Variants in EXOC4 observed in about 807,000 individuals in gnomAD.
EXOC4 encodes SEC8-like 1.
In EXOC4, 71 loss-of-function variants were observed where a neutral mutation model predicts 107.2. The observed-to-expected ratio is 0.66, with a 90% CI of 0.55 to 0.81. The LOEUF is 0.81. Ranked by LOEUF, EXOC4 falls within the 30% of genes least tolerant of loss-of-function variation. EXOC4 has a pLI of 0.00. For missense variants in EXOC4, 1,108 were observed against 1,189.6 expected (o/e 0.93, Z 1.01); for synonymous variants, 456 against 441.2 (o/e 1.03, Z -0.42).
At chr7:133,616,792 G>A (rs1211423225) in intron 9 of EXOC4, among the ~76,000 whole-genome samples, 2 of 152,002 alleles carry the variant, frequency 1.3e-5, no homozygotes, top group African/African-American at 2.4e-5. Flanking sequence ...AATTATCATC[G>A]ATATCAACGA....
chr7:133,458,072 A>C (rs1421130361), intron 7 of EXOC4, among the ~76,000 whole-genome samples: 1 of 152,230 alleles, frequency 6.6e-6, no homozygotes, highest in Non-Finnish European at 1.5e-5. Context: ...CCTAAAGAAA[A>C]GTTATTTTTA....
intron 9 of EXOC4, among the ~76,000 whole-genome samples, chr7:133,597,878 G>C (rs1801718274): frequency 6.6e-6 from 1 of 151,980 alleles, no homozygotes; most frequent in Admixed American, 6.6e-5. Flanking sequence ...CAGGCATGTT[G>C]GCGGCGGGCA....
intron 9 of EXOC4, among the ~76,000 whole-genome samples, chr7:133,535,077 C>T (rs1048557719): frequency 3.3e-5 from 5 of 152,230 alleles, no homozygotes; most frequent in Admixed American, 1.3e-4. Flanking sequence ...GTGGAAGAAC[C>T]GTATTTTATT....
chr7:134,015,195 C>T (rs1794873670), intron 17 of EXOC4, among the ~76,000 whole-genome samples: 1 of 152,196 alleles, frequency 6.6e-6, no homozygotes, highest in Non-Finnish European at 1.5e-5. Context: ...ACTTTCAAAA[C>T]ATGCCTTCCT....
intron 11 of EXOC4, among the ~76,000 whole-genome samples, chr7:133,826,861 A>G (rs908664239): frequency 1.3e-5 from 2 of 152,136 alleles, no homozygotes; most frequent in Non-Finnish European, 2.9e-5. Context: ...TGTCCAGTGA[A>G]CACCCACATA....
At chr7:133,288,852 A>G (rs1794339525) in intron 2 of EXOC4, 70 bp from the exon 3 acceptor site, 5 of 1,323,528 alleles carry the variant, frequency 3.8e-6, no homozygotes, top group South Asian at 2.6e-5. Flanking sequence ...AGTGAAGACT[A>G]CTAACCAGAT....
At chr7:133,430,241 T>G (rs900102566) in intron 7 of EXOC4, among the ~76,000 whole-genome samples, 31 of 152,344 alleles carry the variant, frequency 2.0e-4, no homozygotes, top group Admixed American at 8.5e-4. Context: ...GCTTCTTCTC[T>G]TTTCTCCTTC....
intron 7 of EXOC4, among the ~76,000 whole-genome samples, chr7:133,440,352 A>C: frequency 3.5e-5 from 5 of 144,360 alleles, no homozygotes; most frequent in African/African-American, 1.0e-4. Context: ...CTTTATCTCC[A>C]CCCCCACCCC....
At chr7:134,084,523 T>TC in the EXOC4 span, among the ~76,000 whole-genome samples, 1 of 152,088 alleles carries the variant, frequency 6.6e-6, no homozygotes, top group East Asian at 1.9e-4. Context: ...TGGAAGATCC[T>TC]CTCATCTCAG....
intron 7 of EXOC4, among the ~76,000 whole-genome samples, chr7:133,449,622 G>A (rs775386975): frequency 5.3e-5 from 8 of 151,800 alleles, no homozygotes; most frequent in Non-Finnish European, 1.0e-4. Context: ...TATTCTATCT[G>A]TATCTAGATA....
intron 6 of EXOC4, among the ~76,000 whole-genome samples, chr7:133,368,271 C>A (rs538315221): frequency 6.6e-6 from 1 of 152,152 alleles, no homozygotes; most frequent in Non-Finnish European, 1.5e-5. Context: ...TTGGTTCTTA[C>A]TCTGTGGATT....
At chr7:133,845,335 AGT>A (rs34845137) in intron 11 of EXOC4, among the ~76,000 whole-genome samples, 7,004 of 137,800 alleles carry the variant, frequency 0.051, 361 homozygotes, top group African/African-American at 0.14. Flanking sequence ...GCAGGTTAGT[AGT>A]GTGTGTGTGT....
intron 9 of EXOC4, among the ~76,000 whole-genome samples, chr7:133,510,690 G>A (rs951617154): frequency 1.3e-5 from 2 of 152,172 alleles, no homozygotes; most frequent in Admixed American, 1.3e-4. Flanking sequence ...AACCCTCACT[G>A]TTATAGTGAT....
intron 14 of EXOC4, among the ~76,000 whole-genome samples, chr7:133,995,016 G>T (rs1794354183): frequency 6.6e-6 from 1 of 151,964 alleles, no homozygotes; most frequent in Non-Finnish European, 1.5e-5. Context: ...TAGAGCTCTG[G>T]GCATAATTTT....
chr7:133,290,359 T>C (rs1794375662), intron 3 of EXOC4, among the ~76,000 whole-genome samples: 1 of 152,186 alleles, frequency 6.6e-6, no homozygotes, highest in African/African-American at 2.4e-5. Flanking sequence ...GAATTGGTTA[T>C]TTTCAGCATC....
intron 13 of EXOC4, among the ~76,000 whole-genome samples, chr7:133,937,427 T>C (rs913097473): frequency 6.6e-6 from 1 of 152,252 alleles, no homozygotes; most frequent in African/African-American, 2.4e-5. Flanking sequence ...TTAAAGAGGC[T>C]GGATCGTCTT....
intron 7 of EXOC4, among the ~76,000 whole-genome samples, chr7:133,456,371 G>A (rs570408313): frequency 6.6e-6 from 1 of 152,280 alleles, no homozygotes; most frequent in African/African-American, 2.4e-5. Context: ...TCTCCACTGT[G>A]TGAAAGTGCC....
At chr7:133,847,441 C>T (rs911133267) in intron 11 of EXOC4, among the ~76,000 whole-genome samples, 6 of 150,046 alleles carry the variant, frequency 4.0e-5, no homozygotes, top group East Asian at 3.9e-4. Context: ...TGCAGTGGCG[C>T]GGTCTCTGCT....
At chr7:133,570,984 A>G (rs1801011416) in intron 9 of EXOC4, among the ~76,000 whole-genome samples, 1 of 152,218 alleles carries the variant, frequency 6.6e-6, no homozygotes, top group East Asian at 1.9e-4. Context: ...TTGGTATCCC[A>G]TCTTTACTCC....
Sources: allele counts gnomAD v4.1 joint callset (sites outside exome capture counted in the v4.1 genomes callset), GRCh38; gene constraint gnomAD v4.1.1; transcripts MANE v1.5; gene names NCBI Gene and HGNC (gene_info 2026-07-23, HGNC 2026-07-21).